Variants in RUNX2 observed in about 807,000 individuals in gnomAD.
RUNX2 encodes runt-related transcription factor 2.
Under a neutral mutation model 51.7 loss-of-function variants are expected in RUNX2, and 10 were observed. That is an observed-to-expected ratio of 0.19 (90% confidence interval 0.12 to 0.33). The LOEUF (loss-of-function observed/expected upper bound fraction) is 0.33. RUNX2 is among the 10% of genes least tolerant of loss of function. The probability of loss-of-function intolerance (pLI) is 1.00; values close to 1 mark genes in which losing one functional copy is unlikely to be tolerated. For missense variants in RUNX2, 562 were observed against 691.3 expected (o/e 0.81, Z 2.10); for synonymous variants, 276 against 273.6 (o/e 1.01, Z -0.09).
intron 7 of RUNX2, among the ~76,000 whole-genome samples, chr6:45,531,229 T>C (rs955700740): frequency 1.3e-5 from 2 of 152,164 alleles, no homozygotes; most frequent in Non-Finnish European, 2.9e-5. Flanking sequence ...TTGGCTATCA[T>C]CCTAAGAGGA....
intron 2 of RUNX2, among the ~76,000 whole-genome samples, chr6:45,354,276 T>C (rs6926638): frequency 0.13 from 19,963 of 151,974 alleles, 1,549 homozygotes; most frequent in East Asian, 0.26. Flanking sequence ...ATATGATAGA[T>C]ATACACACAA....
chr6:45,422,788 C>T lies in RUNX2; in HGVS notation c.254C>T (p.Ala85Val), dbSNP rs372138746. The T allele has an allele frequency of 2.3e-4, 343 of 1,494,528 alleles. 16 individuals carry two copies. In the Admixed American group the frequency reaches 8.4e-3, roughly 37 times the overall value. The allele number at this position is 1,494,528 out of a possible 1,614,324, so 92.6% of individuals were successfully genotyped here. Reference sequence around the variant, plus strand: ...GCTGCGGCGGCGGCGGCGGCTGCGGCGGCGGCAGCTGCAGTGCCCCGGTTG... The same window carrying T: ...GCTGCGGCGGCGGCGGCGGCTGCGGTGGCGGCAGCTGCAGTGCCCCGGTTG... ...AAAAAAAAAA[A>V]AAAAVPRLRP... The change falls in exon 3 of 9, where the codon GCG (alanine) becomes GTG (valine). Residue 85 changes from alanine to valine, a missense_variant. Transcript: ENST00000647337.
At chr6:45,356,915 C>T (rs953712780) in intron 2 of RUNX2, among the ~76,000 whole-genome samples, 3 of 152,174 alleles carry the variant, frequency 2.0e-5, no homozygotes, top group African/African-American at 4.8e-5. Flanking sequence ...TTTACTGTAA[C>T]GAGGCAAATC....
chr6:45,388,626 G>T (rs1797407932), intron 2 of RUNX2, among the ~76,000 whole-genome samples: 1 of 152,162 alleles, frequency 6.6e-6, no homozygotes, highest in African/African-American at 2.4e-5. Context: ...AGCAAGCAAT[G>T]ATGAAGCACA....
intron 3 of RUNX2, among the ~76,000 whole-genome samples, chr6:45,431,618 G>C (rs112221089): frequency 1.5e-4 from 23 of 152,274 alleles, no homozygotes; most frequent in African/African-American, 5.3e-4. Context: ...CATATTTTCT[G>C]TGAAGAATCC....
chr6:45,541,087 CTG>C (rs1802210517), intron 7 of RUNX2, among the ~76,000 whole-genome samples: 1 of 152,184 alleles, frequency 6.6e-6, no homozygotes, highest in African/African-American at 2.4e-5. Context: ...TGTGTTAAAA[CTG>C]TACAGAGTTA....
chr6:45,379,369 CAG>C (rs1481150197), intron 2 of RUNX2, among the ~76,000 whole-genome samples: 7 of 152,094 alleles, frequency 4.6e-5, no homozygotes, highest in Non-Finnish European at 1.0e-4. Flanking sequence ...AATTAGTTAA[CAG>C]AAGATTAAGA....
Position 45,536,485 on chromosome 6 carries a change from C to T in RUNX2, c.1022-8732C>T, listed in dbSNP as rs1274419611. On this transcript the variant is annotated intron_variant, in intron 7 of 8. Coordinates refer to ENST00000647337, the MANE Select transcript of RUNX2 (RefSeq NM_001024630.4). ...TAGGGGCATCAGGCAATTCGAGCCA[C>T]GTGCTTTAAGGCCCAGGATGGCCTC... Among the ~76,000 whole-genome samples, 7 of 152,184 alleles carry T rather than the reference C, an allele frequency of 4.6e-5. No homozygotes were observed. The South Asian group carries it at 1.0e-3, about 22-fold the overall frequency.
intron 2 of RUNX2, among the ~76,000 whole-genome samples, chr6:45,332,532 G>A (rs2150088231): frequency 1.3e-5 from 2 of 151,720 alleles, no homozygotes; most frequent in South Asian, 4.2e-4. Context: ...CTTCCATACT[G>A]TTCTAACCTT....
intron 6 of RUNX2, among the ~76,000 whole-genome samples, chr6:45,494,708 T>C (rs980236494): frequency 1.3e-5 from 2 of 152,242 alleles, no homozygotes; most frequent in Non-Finnish European, 2.9e-5. Flanking sequence ...TGTGACCCAA[T>C]TTTTAAAGGA....
At chr6:45,384,712 T>A (rs1205547931) in intron 2 of RUNX2, among the ~76,000 whole-genome samples, 1 of 143,314 alleles carries the variant, frequency 7.0e-6, no homozygotes, top group African/African-American at 2.6e-5. Flanking sequence ...GTGTCTTTTT[T>A]TTTTTTTTTT....
intron 3 of RUNX2, among the ~76,000 whole-genome samples, chr6:45,424,549 A>G (rs554786936): frequency 1.3e-5 from 2 of 152,178 alleles, no homozygotes; most frequent in South Asian, 4.2e-4. Flanking sequence ...GGTTAAAAAA[A>G]AAAGTTGGGG....
rs973139755 is a variant in RUNX2 at position 45,336,393 on chromosome 6, T to G, written c.58+7609T>G. 4.0e-5 allele frequency among the ~76,000 whole-genome samples: 6 copies of G among 151,528 alleles called. No homozygotes were observed. The East Asian group carries it at 5.8e-4, about 15-fold the overall frequency. ...AGAAAACACATAAAGTGATCTGTTTTTAACATTATCACTCACAAGTACCCA... is the reference window on the plus strand; with the variant it reads ...AGAAAACACATAAAGTGATCTGTTTGTAACATTATCACTCACAAGTACCCA... On this transcript the variant is annotated intron_variant, in intron 2 of 8. Transcript: ENST00000647337.
chr6:45,339,002 T>C (rs907596426), intron 2 of RUNX2, among the ~76,000 whole-genome samples: 4 of 151,934 alleles, frequency 2.6e-5, no homozygotes, highest in Admixed American at 6.6e-5. Flanking sequence ...CAGGGTGACA[T>C]AAAACATAGA....
chr6:45,458,778 A>G, intron 5 of RUNX2, among the ~76,000 whole-genome samples: 1 of 152,190 alleles, frequency 6.6e-6, no homozygotes, highest in Non-Finnish European at 1.5e-5. Flanking sequence ...AAGTGGCTCT[A>G]AGTATGATCT....
intron 2 of RUNX2, 21 bp from the exon 3 acceptor site, chr6:45,422,572 T>C: frequency 7.3e-7 from 1 of 1,367,536 alleles, no homozygotes; most frequent in Non-Finnish European, 9.7e-7. Context: ...CTTGTGGCTG[T>C]TGTGATGCGT....
intron 3 of RUNX2, among the ~76,000 whole-genome samples, chr6:45,423,886 G>C (rs1458331946): frequency 6.6e-6 from 1 of 152,342 alleles, no homozygotes; most frequent in Admixed American, 6.5e-5. Context: ...TTCCAGCCGG[G>C]ACCGAGCTCT....
intron 2 of RUNX2, among the ~76,000 whole-genome samples, chr6:45,339,646 C>G (rs73444676): frequency 0.012 from 1,826 of 152,008 alleles, 38 homozygotes; most frequent in African/African-American, 0.042. Context: ...TGACTATAGC[C>G]AAAAACATTA....
intron 2 of RUNX2, among the ~76,000 whole-genome samples, chr6:45,355,312 G>T (rs1394264424): frequency 2.0e-5 from 3 of 151,944 alleles, no homozygotes; most frequent in Admixed American, 1.3e-4. Context: ...TGTTAATTAT[G>T]AACTTTCTGT....
Sources: allele counts gnomAD v4.1 joint callset (sites outside exome capture counted in the v4.1 genomes callset), GRCh38; gene constraint gnomAD v4.1.1; transcripts MANE v1.5; gene names NCBI Gene and HGNC (gene_info 2026-07-23, HGNC 2026-07-21).